The following USP18 variants were observed in gnomAD, a reference collection of about 807,000 sequenced individuals.
The protein encoded by USP18 is ubl carboxyl-terminal hydrolase 18.
USP18 carries 11 observed loss-of-function variants against 48.7 expected under a neutral mutation model. The ratio of observed to expected loss-of-function variants is 0.23; its 90% CI spans 0.14 to 0.37. USP18 has a LOEUF of 0.37. USP18 is among the 10% of genes least tolerant of loss of function. The pLI is 1.00. For missense variants in USP18, 285 were observed against 436.4 expected (o/e 0.65, Z 3.09); for synonymous variants, 114 against 163.2 (o/e 0.70, Z 2.30).
chr22:18,155,771 C>G (rs1290012865), intron 1 of USP18, among the ~76,000 whole-genome samples: 1 of 152,234 alleles, frequency 6.6e-6, no homozygotes, highest in Non-Finnish European at 1.5e-5. Flanking sequence ...CTCCCCACCC[C>G]GCAGCCATGG....
Position 18,165,050 on chromosome 22 carries a change from G to C in USP18, c.401-2205G>C, listed in dbSNP as rs549053682. Among the ~76,000 whole-genome samples, 80 of 147,180 alleles carry C rather than the reference G, an allele frequency of 5.4e-4. 1 individual carries two copies. In the East Asian group the frequency reaches 5.9e-3, roughly 11 times the overall value. ...GCTGGTTTCTGGGTTTCTTTCAGAG[G>C]GAGTTGATCTGTGTGTAGATGAGAG... On this transcript the variant is annotated intron_variant, in intron 4 of 10. Coordinates refer to ENST00000215794, the MANE Select transcript of USP18 (RefSeq NM_017414.4).
chr22:18,161,919 G>A lies in USP18; in HGVS notation c.384G>A (p.Gln128=), dbSNP rs749380234. ...VRPLELAYCL[Q]KCNVPLFVQH... ...CCCTGGAGCTGGCCTACTGCCTGCA[G>A]AAGTGCAACGTGCCCTGTAAGATAC... Residue 128 remains glutamine, a synonymous_variant, in exon 4 of 11, where the codon CAG becomes CAA. Coordinates refer to ENST00000215794, the MANE Select transcript of USP18 (RefSeq NM_017414.4). 4 of 1,613,354 alleles carry A rather than the reference G, an allele frequency of 2.5e-6. No homozygotes were observed. In the South Asian group the frequency reaches 4.4e-5, roughly 18 times the overall value.
chr22:18,156,621 C>T (rs952285004), intron 1 of USP18, among the ~76,000 whole-genome samples: 6 of 152,056 alleles, frequency 3.9e-5, no homozygotes, highest in Non-Finnish European at 8.8e-5. Context: ...CACCACGAAC[C>T]CACCGGGAGG....
At chr22:18,173,727 G>C in intron 9 of USP18, 66 bp from the exon 10 acceptor site, 1 of 1,604,604 alleles carries the variant, frequency 6.2e-7, no homozygotes, top group South Asian at 1.1e-5. Flanking sequence ...GCACATTATA[G>C]CATCCTGTCC....
chr22:18,154,450 CTTAT>C (rs1002223017), intron 1 of USP18, among the ~76,000 whole-genome samples: 9 of 151,954 alleles, frequency 5.9e-5, no homozygotes, highest in Non-Finnish European at 1.3e-4. Flanking sequence ...TTTATTTCAT[CTTAT>C]TTATTTATTT....
In USP18 at chr22:18,170,908, T is replaced by A. The variant is rs754657162; in HGVS notation, c.879T>A (p.Asp293Glu). The change falls in exon 8 of 11, where the codon GAT (aspartate) becomes GAA (glutamate). Residue 293 changes from aspartate to glutamate, a missense_variant. By Grantham distance (45) the Asp-to-Glu change is conservative. Transcript: ENST00000215794. Reference sequence around the variant, plus strand: ...TTCCAATGAAGCGAGAGTCTTGTGATGCTGAGGAGCAGGTGGGATGATCCC... The same window carrying A: ...TTCCAATGAAGCGAGAGTCTTGTGAAGCTGAGGAGCAGGTGGGATGATCCC... ...QILPMKRESC[D>E]AEEQSGGQYE... 4 of 1,430,596 alleles carry A rather than the reference T, an allele frequency of 2.8e-6. No homozygotes were observed. The highest frequency in any genetic ancestry group is 3.8e-6 in the Non-Finnish European group (4 of 1,064,878). 88.6% of individuals were successfully genotyped at this position (1,430,596 alleles called of 1,614,324 possible).
At chr22:18,166,804 C>T (rs1602528271) in intron 4 of USP18, among the ~76,000 whole-genome samples, 2 of 150,922 alleles carry the variant, frequency 1.3e-5, no homozygotes, top group South Asian at 4.3e-4. Flanking sequence ...GTGGTGACAT[C>T]ACAGCTCACT....
chr22:18,153,543 G>T (rs1929053451), intron 1 of USP18, among the ~76,000 whole-genome samples: 1 of 152,084 alleles, frequency 6.6e-6, no homozygotes, highest in African/African-American at 2.4e-5. Flanking sequence ...TCCTGCCTCA[G>T]TCTCCCAAGT....
In USP18 at chr22:18,173,224, C is replaced by A; in HGVS notation, c.966C>A (p.Tyr322Ter). The A allele has an allele frequency of 6.2e-7, 1 of 1,609,522 alleles. No homozygotes were observed. Among genetic ancestry groups the A allele is most frequent in the East Asian group, 2.2e-5 (1 of 44,758 alleles). ...CAGACTCCGGTCATTACTGTGTCTA[C>A]ATCCGGAATGCTGTGGATGGAAAAT... ...GMADSGHYCV[Y>*]IRNAVDGKWF... Residue 322 changes from tyrosine to a stop codon, truncating the protein, a stop_gained, in exon 9 of 11, where the codon TAC becomes TAA. Transcript: ENST00000215794. LOFTEE classifies it high-confidence loss of function.
chr22:18,153,846 C>A (rs1475178585), intron 1 of USP18, among the ~76,000 whole-genome samples: 1 of 152,018 alleles, frequency 6.6e-6, no homozygotes. Context: ...TTCCACTTAA[C>A]GTAATGTACT....
At chr22:18,160,316 C>T (rs763730111) in intron 3 of USP18, 48 bp downstream of exon 3, 7 of 1,605,838 alleles carry the variant, frequency 4.4e-6, no homozygotes, top group Non-Finnish European at 6.0e-6. Flanking sequence ...TTTCTTTTTC[C>T]TTTTTTTGAG....
intron 1 of USP18, among the ~76,000 whole-genome samples, chr22:18,154,273 C>T (rs1437622185): frequency 2.6e-5 from 4 of 151,928 alleles, no homozygotes; most frequent in Non-Finnish European, 5.9e-5. Context: ...CATCACTTGC[C>T]AGTGGGAAAG....
intron 3 of USP18, 22 bp downstream of exon 3, chr22:18,160,290 A>T (rs764580467): frequency 6.2e-7 from 1 of 1,613,166 alleles, no homozygotes; most frequent in Admixed American, 1.7e-5. Flanking sequence ...CTTCAGGCTG[A>T]TGAGCATTTG....
chr22:18,152,013 CACTGCACTCCAGCCTGGGCGACAG>C (rs1400295061), intron 1 of USP18, among the ~76,000 whole-genome samples: 10 of 152,036 alleles, frequency 6.6e-5, no homozygotes, highest in African/African-American at 2.4e-4. Flanking sequence ...AAGATCCGGC[CACTGCACTCCAGCCTGGGCGACAG>C]AGGGAGACTC....
intron 2 of USP18, among the ~76,000 whole-genome samples, 192 bp downstream of exon 2, chr22:18,158,012 G>T (rs1276285871): frequency 1.3e-5 from 2 of 152,132 alleles, no homozygotes; most frequent in South Asian, 4.1e-4. Flanking sequence ...AAACAAGGTC[G>T]GGCGCGGTGG....
chr22:18,151,470 A>C (rs912341824), intron 1 of USP18, among the ~76,000 whole-genome samples: 2 of 152,244 alleles, frequency 1.3e-5, no homozygotes, highest in Non-Finnish European at 2.9e-5. Flanking sequence ...TCGCAGGAAC[A>C]AAACGGGAGG....
At position 18,169,991 on chromosome 22, in the gene USP18, T is replaced by C. The variant is rs1929585744; in HGVS notation, c.723+52T>C. On this transcript the variant is annotated intron_variant, in intron 7 of 10. Transcript: ENST00000215794. The stretch of plus-strand genomic sequence containing the variant: ...CTGTCCCTCGGTGCATATGGGGGAT[T>C]TGTTCCAGGACCCCTGCTTTTACCA... 4 of 1,539,180 alleles carry C rather than the reference T, an allele frequency of 2.6e-6. No individual in the cohort carries two copies. In the African/African-American group the frequency reaches 4.1e-5, roughly 16 times the overall value.
chr22:18,158,459 C>T (rs1432820219), intron 2 of USP18, among the ~76,000 whole-genome samples: 1 of 152,172 alleles, frequency 6.6e-6, no homozygotes, highest in African/African-American at 2.4e-5. Flanking sequence ...TGTCTGGAAG[C>T]AATGTGCTCC....
At chr22:18,164,461 G>C (rs1347421068) in intron 4 of USP18, among the ~76,000 whole-genome samples, 1 of 152,046 alleles carries the variant, frequency 6.6e-6, no homozygotes, top group African/African-American at 2.4e-5. Context: ...TACTCAATGT[G>C]TGAAGTTAGA....
Sources: allele counts gnomAD v4.1 joint callset (sites outside exome capture counted in the v4.1 genomes callset), GRCh38; gene constraint gnomAD v4.1.1; transcripts MANE v1.5; gene names NCBI Gene and HGNC (gene_info 2026-07-23, HGNC 2026-07-21).